CLIP1: variants seen among roughly 807,000 people sequenced by gnomAD.
CLIP1 encodes the protein CAP-Gly domain containing linker protein 1, also known as CAP-Gly domain-containing linker protein 1.
In CLIP1, 66 loss-of-function variants were observed where a neutral mutation model predicts 161.6. The ratio of observed to expected loss-of-function variants is 0.41; its 90% confidence interval spans 0.33 to 0.50. The LOEUF (loss-of-function observed/expected upper bound fraction) is 0.50. Ranked by LOEUF, CLIP1 falls within the 20% of genes least tolerant of loss-of-function variation. The pLI is 0.27. For missense variants in CLIP1, 1,376 were observed against 1,702.0 expected, an observed-to-expected ratio of 0.81 and a Z score of 3.37; for synonymous variants, 598 against 626.2, an observed-to-expected ratio of 0.96 and a Z score of 0.67.
intron 20 of CLIP1, among the ~76,000 whole-genome samples, chr12:122,294,551 C>T (rs931098924): frequency 2.6e-5 from 4 of 151,532 alleles, no homozygotes; most frequent in African/African-American, 9.7e-5. Context: ...CCACTTGAGC[C>T]CAGGAGTTCG....
chr12:122,337,110 C>T (rs1311497945), intron 11 of CLIP1, among the ~76,000 whole-genome samples: 4 of 151,838 alleles, frequency 2.6e-5, no homozygotes, highest in African/African-American at 7.3e-5. Flanking sequence ...GCGGAGATTA[C>T]AGGCACGTGC....
chr12:122,350,805 T>A (rs756288140), intron 9 of CLIP1, among the ~76,000 whole-genome samples: 1 of 151,584 alleles, frequency 6.6e-6, no homozygotes, highest in African/African-American at 2.4e-5. Flanking sequence ...GAAGACATTA[T>A]GAATTAGGTG....
intron 15 of CLIP1, 90 bp from the exon 16 acceptor site, chr12:122,328,516 T>C: frequency 1.4e-6 from 1 of 731,088 alleles, no homozygotes; most frequent in Non-Finnish European, 1.9e-6. Context: ...ATAATTGTAA[T>C]TATTTTCAAA....
intron 19 of CLIP1, among the ~76,000 whole-genome samples, chr12:122,315,965 G>A (rs1350659153): frequency 6.6e-6 from 1 of 151,698 alleles, no homozygotes; most frequent in African/African-American, 2.4e-5. Flanking sequence ...TTGAAATACT[G>A]AAAATGTAGA....
chr12:122,356,695 C>G (rs1248902943), intron 5 of CLIP1, among the ~76,000 whole-genome samples: 1 of 152,166 alleles, frequency 6.6e-6, no homozygotes, highest in African/African-American at 2.4e-5. Flanking sequence ...CGAGCCGAAG[C>G]TGGACTGTAC....
intron 5 of CLIP1, among the ~76,000 whole-genome samples, chr12:122,357,576 CG>C (rs1566166900): frequency 7.7e-6 from 1 of 129,602 alleles, no homozygotes; most frequent in Non-Finnish European, 1.7e-5. Context: ...CAGCCCCCCC[CG>C]CCCGGCCAGC....
chr12:122,300,572 C>CT (rs1950642352), intron 20 of CLIP1, among the ~76,000 whole-genome samples: 1 of 151,960 alleles, frequency 6.6e-6, no homozygotes, highest in African/African-American at 2.4e-5. Context: ...TAAATTAATT[C>CT]TTTTTTTGTT....
intron 1 of CLIP1, among the ~76,000 whole-genome samples, chr12:122,407,597 A>T (rs1240618208): frequency 2.6e-5 from 4 of 151,552 alleles, no homozygotes; most frequent in Non-Finnish European, 4.4e-5. Context: ...GCTATCTGGG[A>T]GGCTGAAGGA....
At chr12:122,339,884 G>T (rs1235540882) in intron 11 of CLIP1, among the ~76,000 whole-genome samples, 1 of 152,106 alleles carries the variant, frequency 6.6e-6, no homozygotes, top group African/African-American at 2.4e-5. Context: ...TTACTGTACT[G>T]AATGTTGTAG....
At chr12:122,370,729 T>C (rs1406967822) in intron 3 of CLIP1, among the ~76,000 whole-genome samples, 3 of 152,128 alleles carry the variant, frequency 2.0e-5, no homozygotes, top group African/African-American at 7.2e-5. Flanking sequence ...TGACTTGCAC[T>C]TTATGTCTCG....
chr12:122,412,087 GAGAC>G (rs1956557803), intron 1 of CLIP1, among the ~76,000 whole-genome samples: 1 of 101,020 alleles, frequency 9.9e-6, no homozygotes, highest in Non-Finnish European at 1.8e-5. Flanking sequence ...TTTTTTTTAA[GAGAC>G]AGGCTCTCAC....
intron 1 of CLIP1, among the ~76,000 whole-genome samples, chr12:122,390,689 G>C (rs890129738): frequency 6.6e-6 from 1 of 150,594 alleles, no homozygotes; most frequent in African/African-American, 2.4e-5. Context: ...TTAACCCCTA[G>C]AATCCACTGT....
At chr12:122,342,094 C>A in intron 10 of CLIP1, 1 of 154,008 alleles carries the variant, frequency 6.5e-6, no homozygotes, top group Non-Finnish European at 1.4e-5. Context: ...TGATTATTTT[C>A]TTTAACACTG....
intron 5 of CLIP1, among the ~76,000 whole-genome samples, chr12:122,356,445 C>G (rs1953367623): frequency 6.6e-6 from 1 of 152,016 alleles, no homozygotes; most frequent in African/African-American, 2.4e-5. Flanking sequence ...ATTCCCATGA[C>G]GAAAATGAAA....
At chr12:122,397,882 G>A (rs916774692) in intron 1 of CLIP1, among the ~76,000 whole-genome samples, 1 of 151,230 alleles carries the variant, frequency 6.6e-6, no homozygotes, top group Non-Finnish European at 1.5e-5. Flanking sequence ...TTGAAGCCAG[G>A]AGGCAGAGGT....
intron 20 of CLIP1, among the ~76,000 whole-genome samples, chr12:122,294,339 A>AAC (rs1487932681): frequency 1.6e-4 from 23 of 143,288 alleles, no homozygotes; most frequent in Admixed American, 5.8e-4. Flanking sequence ...AAAAAAAAAA[A>AAC]AAAACAAAAA....
chr12:122,405,669 T>G (rs1956304707), intron 1 of CLIP1, among the ~76,000 whole-genome samples: 1 of 150,046 alleles, frequency 6.7e-6, no homozygotes, highest in South Asian at 2.1e-4. Flanking sequence ...ACACCTATAA[T>G]CCCAGCTACT....
chr12:122,341,762 C>CCTT lies in CLIP1; in HGVS notation c.1507-66_1507-65insAAG, dbSNP rs1566143047. 182 of 98,636 alleles carry CCTT rather than the reference C, an allele frequency of 1.8e-3. 3 individuals carry two copies. The highest frequency in any genetic ancestry group is 7.3e-3 in the East Asian group (42 of 5,770). The allele number at this position is 98,636 out of a possible 1,614,324, so 6.1% of individuals were successfully genotyped here. On this transcript the variant is annotated intron_variant, in intron 10 of 25. Coordinates refer to ENST00000620786, the MANE Select transcript of CLIP1 (RefSeq NM_001247997.2). ...AACAAGTCATTGACTATTTTCTTTT[C>CCTT]TTTTTTTTTTTTTTTTTTTTTTTTT...
intron 20 of CLIP1, among the ~76,000 whole-genome samples, chr12:122,292,167 ATT>A (rs1303619189): frequency 1.1e-4 from 15 of 137,936 alleles, no homozygotes; most frequent in Admixed American, 2.2e-4. Flanking sequence ...AATTTTTTGT[ATT>A]TTTTTTTTTT....
Sources: allele counts gnomAD v4.1 joint callset (sites outside exome capture counted in the v4.1 genomes callset), GRCh38; gene constraint gnomAD v4.1.1; transcripts MANE v1.5; gene names NCBI Gene and HGNC (gene_info 2026-07-23, HGNC 2026-07-21).